IFNA21: variants seen among roughly 807,000 people sequenced by gnomAD.
IFNA21 encodes the protein interferon alpha 21, also known as interferon alpha-21.
For missense variants in IFNA21, 272 were observed against 212.7 expected (o/e 1.28, Z -1.73); for synonymous variants, 101 against 82.9 (o/e 1.22, Z -1.19).
At position 21,166,574 on chromosome 9, in the gene IFNA21, C is replaced by T. The variant is rs376650645; in HGVS notation, c.39G>A (p.Val13=). 111 of 1,613,838 alleles carry T rather than the reference C, an allele frequency of 6.9e-5. No homozygotes were observed. The highest frequency in any genetic ancestry group is 6.6e-5 in the South Asian group (6 of 91,070). ...LSFSLLMAVL[V]LSYKSICSLG... is the part of the protein sequence containing the mutation. ...GAGAACAGATGGATTTGTAGCTGAGCACCAGCACGGCCATCAGTAAAGAAA... is the reference window on the plus strand; with the variant it reads ...GAGAACAGATGGATTTGTAGCTGAGTACCAGCACGGCCATCAGTAAAGAAA... Residue 13 remains valine, a synonymous_variant, in exon 1 of 1, where the codon GTG becomes GTA. Transcript: ENST00000380225.
chr9:21,166,184 C>T lies in IFNA21; in HGVS notation c.429G>A (p.Val143=). 1.2e-6 allele frequency: 2 copies of T among 1,614,190 alleles called. No homozygotes were observed. Among genetic ancestry groups the T allele is most frequent in the Non-Finnish European group, 1.7e-6 (2 of 1,180,024 alleles). The change falls in exon 1 of 1, where the codon GTG becomes GTA. Residue 143 remains valine, a synonymous_variant. Transcript: ENST00000380225. The stretch of plus-strand genomic sequence containing the variant: ...GAGTGATTCTTTGGAAGTATTTCTT[C>T]ACAGCCAGGATGGAGTCCACATTCA... The part of the protein sequence containing the change: ...PLMNVDSILA[V]KKYFQRITLY...
At position 21,165,730 on chromosome 9, in the gene IFNA21, A is replaced by G. The variant is rs779042765; in HGVS notation, c.*313T>C. ...AAAGAAAATAATATATTGACTAAAT[A>G]TAAATAACATATTTTGATATAACAC... is the stretch of plus-strand genomic sequence containing the variant. On this transcript the variant is annotated 3_prime_UTR_variant, in exon 1 of 1. Transcript: ENST00000380225. 2.0e-4 allele frequency: 32 copies of G among 159,902 alleles called. No homozygotes were observed. Among genetic ancestry groups the G allele is most frequent in the Non-Finnish European group, 3.5e-4 (26 of 73,332 alleles). 9.9% of individuals were successfully genotyped at this position (159,902 alleles called of 1,614,324 possible). A position where few individuals can be genotyped will look rare whatever the true frequency, so the allele number is the denominator to read the frequency against.
Position 21,165,832 on chromosome 9 carries a change from G to C in IFNA21, c.*211C>G, listed in dbSNP as rs1819655791. 1 of 405,212 alleles carries C rather than the reference G, an allele frequency of 2.5e-6. No homozygotes were observed. The highest frequency in any genetic ancestry group is 3.9e-5 in the East Asian group (1 of 25,488). The allele number at this position is 405,212 out of a possible 1,614,324, so 25.1% of individuals were successfully genotyped here. Reference sequence around the variant, plus strand: ...AAATAAATAAATATTTCAATAGATAGATAATTAGATCTATCAGCATGGTCA... The same window carrying C: ...AAATAAATAAATATTTCAATAGATACATAATTAGATCTATCAGCATGGTCA... On this transcript the variant is annotated 3_prime_UTR_variant, in exon 1 of 1. Transcript: ENST00000380225.
In IFNA21 at chr9:21,166,445, T is replaced by A. The variant is rs769083096; in HGVS notation, c.168A>T (p.Arg56Ser). The change falls in exon 1 of 1, where the codon AGA becomes AGT. Residue 56 changes from arginine (R) to serine (S), a missense_variant. Coordinates refer to ENST00000380225, the MANE Select transcript of IFNA21 (RefSeq NM_002175.2). ...CCTCCTGGGGGAATCCAAAGTCATG[T>A]CTGTCCTTCAGGCAGGAGAAAGGAG... ...RISPFSCLKD[R>S]HDFGFPQEEF... The A allele has an allele frequency of 6.8e-6, 11 of 1,614,056 alleles. No homozygotes were observed. The East Asian group carries it at 2.5e-4, about 36-fold the overall frequency.
rs984998078 is a variant in IFNA21 at position 21,165,920 on chromosome 9, T to G, written c.*123A>C. The G allele has an allele frequency of 7.8e-7, 1 of 1,286,992 alleles. No homozygotes were observed. Among genetic ancestry groups the G allele is most frequent in the African/African-American group, 1.5e-5 (1 of 66,796 alleles). The allele number at this position is 1,286,992 out of a possible 1,614,324, so 79.7% of individuals were successfully genotyped here. ...GTTTCCTTACACTCCTGAAAAGATC[T>G]GAAAATTTTGATTCAACTCATGCGG... On this transcript the variant is annotated 3_prime_UTR_variant, in exon 1 of 1. Transcript: ENST00000380225.
chr9:21,166,022 A>G lies in IFNA21; in HGVS notation c.*21T>C. Reference sequence around the variant, plus strand: ...ACTGGTGTATTAGTCAATACAGATCATTTCCATGTTGAAACAGGTTTCATT... The same window carrying G: ...ACTGGTGTATTAGTCAATACAGATCGTTTCCATGTTGAAACAGGTTTCATT... On this transcript the variant is annotated 3_prime_UTR_variant, in exon 1 of 1. Transcript: ENST00000380225. The G allele has an allele frequency of 6.2e-7, 1 of 1,610,010 alleles. No homozygotes were observed. Among genetic ancestry groups the G allele is most frequent in the Non-Finnish European group, 8.5e-7 (1 of 1,177,594 alleles).
chr9:21,166,143 TTC>T, the IFNA21 span: 1 of 1,614,190 alleles, frequency 6.2e-7, no homozygotes, highest in Non-Finnish European at 8.5e-7. Flanking sequence ...GCTGTATTTC[TTC>T]TCTGTCAGAT....
Position 21,165,787 on chromosome 9 carries a change from A to G in IFNA21, c.*256T>C, listed in dbSNP as rs1819655158. The G allele has an allele frequency of 4.1e-6, 1 of 246,728 alleles. No individual in the cohort carries two copies. Among genetic ancestry groups the G allele is most frequent in the Non-Finnish European group, 7.6e-6 (1 of 131,648 alleles). The allele number at this position is 246,728 out of a possible 1,614,324, so 15.3% of individuals were successfully genotyped here. ...AAAGTACACATAATATTACATGGAC[A>G]AAAATAATTTAAATCTAATAAATAA... On this transcript the variant is annotated 3_prime_UTR_variant, in exon 1 of 1. Transcript: ENST00000380225.
Position 21,166,106 on chromosome 9 carries a change from T to C in IFNA21, c.507A>G (p.Ala169=), listed in dbSNP as rs1261156442. The part of the protein sequence containing the change: ...YSPCAWEVVR[A]EIMRSFSLSK... ...ATAAAGAGAAGGATCTCATGATTTC[T>C]GCTCTGACAACCTCCCAGGCACAAG... Residue 169 remains alanine (A), a synonymous_variant, in exon 1 of 1, where the codon GCA becomes GCG. Transcript: ENST00000380225. 1.4e-5 allele frequency: 23 copies of C among 1,614,058 alleles called. No individual in the cohort carries two copies. Among genetic ancestry groups the C allele is most frequent in the Non-Finnish European group, 1.8e-5 (21 of 1,180,012 alleles).
chr9:21,166,410 C>G lies in IFNA21; in HGVS notation c.203G>C (p.Gly68Ala), dbSNP rs1244702825. 1 of 1,614,090 alleles carries G rather than the reference C, an allele frequency of 6.2e-7. No individual in the cohort carries two copies. Among genetic ancestry groups the G allele is most frequent in the Admixed American group, 1.7e-5 (1 of 59,988 alleles). Reference protein sequence around the residue: ...DFGFPQEEFDGNQFQKAQAIS... With the variant: ...DFGFPQEEFDANQFQKAQAIS... ...GGCTTGAGCCTTCTGGAACTGGTTGCCATCAAACTCCTCCTGGGGGAATCC... is the reference window on the plus strand; with the variant it reads ...GGCTTGAGCCTTCTGGAACTGGTTGGCATCAAACTCCTCCTGGGGGAATCC... Residue 68 changes from glycine to alanine, a missense_variant, in exon 1 of 1, where the codon GGC becomes GCC. By Grantham distance (60) the Gly-to-Ala change is moderately conservative. Transcript: ENST00000380225.
chr9:21,165,985 A>T lies in IFNA21; in HGVS notation c.*58T>A. The stretch of plus-strand genomic sequence containing the variant: ...ATGAGTCTTTGAAATGGCAGAAGTC[A>T]TAGAAGTGTGGACTGGTGTATTAGT... On this transcript the variant is annotated 3_prime_UTR_variant, in exon 1 of 1. Transcript: ENST00000380225. The T allele has an allele frequency of 6.4e-7, 1 of 1,553,748 alleles. No individual in the cohort carries two copies. The highest frequency in any genetic ancestry group is 8.7e-7 in the Non-Finnish European group (1 of 1,149,384).
In IFNA21 at chr9:21,165,925, A is replaced by G; in HGVS notation, c.*118T>C. 7.6e-7 allele frequency: 1 copy of G among 1,323,712 alleles called. No individual in the cohort carries two copies. Among genetic ancestry groups the G allele is most frequent in the Non-Finnish European group, 1.0e-6 (1 of 967,672 alleles). The allele number at this position is 1,323,712 out of a possible 1,614,324, so 82.0% of individuals were successfully genotyped here. On this transcript the variant is annotated 3_prime_UTR_variant, in exon 1 of 1. Transcript: ENST00000380225. The stretch of plus-strand genomic sequence containing the variant: ...CTTACACTCCTGAAAAGATCTGAAA[A>G]TTTTGATTCAACTCATGCGGTGGTT...
chr9:21,165,912 A>C lies in IFNA21; in HGVS notation c.*131T>G. 1 of 1,209,322 alleles carries C rather than the reference A, an allele frequency of 8.3e-7. No individual in the cohort carries two copies. Among genetic ancestry groups the C allele is most frequent in the Non-Finnish European group, 1.1e-6 (1 of 869,572 alleles). The allele number at this position is 1,209,322 out of a possible 1,614,324, so 74.9% of individuals were successfully genotyped here. ...AACATGATGTTTCCTTACACTCCTG[A>C]AAAGATCTGAAAATTTTGATTCAAC... On this transcript the variant is annotated 3_prime_UTR_variant, in exon 1 of 1. Coordinates refer to ENST00000380225, the MANE Select transcript of IFNA21 (RefSeq NM_002175.2).
Position 21,166,655 on chromosome 9 carries a change from C to A in IFNA21, c.-43G>T. 2 of 1,582,664 alleles carry A rather than the reference C, an allele frequency of 1.3e-6. No individual in the cohort carries two copies. Among genetic ancestry groups the A allele is most frequent in the Non-Finnish European group, 1.7e-6 (2 of 1,165,356 alleles). ...TGCTAGGCTACTTGAGATGGGTAACCTTGAACCTTGGCCTCTAGGTTTTCT... is the reference window on the plus strand; with the variant it reads ...TGCTAGGCTACTTGAGATGGGTAACATTGAACCTTGGCCTCTAGGTTTTCT... On this transcript the variant is annotated 5_prime_UTR_variant, in exon 1 of 1. It adds an upstream start codon to the 5' untranslated region. Transcript: ENST00000380225.
In IFNA21 at chr9:21,166,567, A is replaced by G; in HGVS notation, c.46T>C (p.Tyr16His). 1 of 1,614,086 alleles carries G rather than the reference A, an allele frequency of 6.2e-7. No individual in the cohort carries two copies. The highest frequency in any genetic ancestry group is 1.7e-4 in the Middle Eastern group (1 of 6,060). Reference protein sequence around the residue: ...SLLMAVLVLSYKSICSLGCDL... With the variant: ...SLLMAVLVLSHKSICSLGCDL... ...CAGCCCAGAGAACAGATGGATTTGTAGCTGAGCACCAGCACGGCCATCAGT... is the reference window on the plus strand; with the variant it reads ...CAGCCCAGAGAACAGATGGATTTGTGGCTGAGCACCAGCACGGCCATCAGT... The change falls in exon 1 of 1, where the codon TAC (tyrosine) becomes CAC (histidine). Residue 16 changes from tyrosine (Y) to histidine (H), a missense_variant. Tyr to His is a moderately conservative substitution (Grantham distance 83). Coordinates refer to ENST00000380225, the MANE Select transcript of IFNA21 (RefSeq NM_002175.2).
Position 21,166,543 on chromosome 9 carries a change from A to G in IFNA21, c.70T>C (p.Cys24Arg). The G allele has an allele frequency of 1.2e-6, 2 of 1,614,176 alleles. No homozygotes were observed. Among genetic ancestry groups the G allele is most frequent in the Non-Finnish European group, 1.7e-6 (2 of 1,180,028 alleles). The change falls in exon 1 of 1, where the codon TGT becomes CGT. Residue 24 changes from cysteine (C) to arginine (R), a missense_variant. Physicochemically the swap from Cys to Arg is radical, Grantham distance 180 (BLOSUM62 -3). Transcript: ENST00000380225. The part of the protein sequence containing the change: ...LSYKSICSLG[C>R]DLPQTHSLGN... ...AGGCTGTGGGTCTGAGGCAGATCAC[A>G]GCCCAGAGAACAGATGGATTTGTAG...
Position 21,166,220 on chromosome 9 carries a change from C to G in IFNA21, c.393G>C (p.Glu131Asp). Residue 131 changes from glutamate (E) to aspartate (D), a missense_variant, in exon 1 of 1, where the codon GAG (glutamate) becomes GAC (aspartate). Transcript: ENST00000380225. Reference protein sequence around the residue: ...ACVIQEVGVEETPLMNVDSIL... With the variant: ...ACVIQEVGVEDTPLMNVDSIL... The stretch of plus-strand genomic sequence containing the variant: ...TGGAGTCCACATTCATCAGGGGAGT[C>G]TCTTCCACCCCAACCTCCTGTATCA... 6.2e-7 allele frequency: 1 copy of G among 1,614,176 alleles called. No homozygotes were observed. The highest frequency in any genetic ancestry group is 1.7e-5 in the Admixed American group (1 of 60,012).
rs762399643 is a variant in IFNA21 at position 21,166,148 on chromosome 9, T to C, written c.465A>G (p.Thr155=). Residue 155 remains threonine, a synonymous_variant, in exon 1 of 1, where the codon ACA becomes ACG. Coordinates refer to ENST00000380225, the MANE Select transcript of IFNA21 (RefSeq NM_002175.2). ...KYFQRITLYL[T]EKKYSPCAWE... ...AGGCACAAGGGCTGTATTTCTTCTC[T>C]GTCAGATAAAGAGTGATTCTTTGGA... 3 of 1,614,194 alleles carry C rather than the reference T, an allele frequency of 1.9e-6. No homozygotes were observed. The highest frequency in any genetic ancestry group is 1.1e-5 in the South Asian group (1 of 91,086).
Position 21,165,881 on chromosome 9 carries a change from C to T in IFNA21, c.*162G>A, listed in dbSNP as rs780236919. The T allele has an allele frequency of 3.5e-6, 3 of 852,342 alleles. No homozygotes were observed. The highest frequency in any genetic ancestry group is 5.4e-6 in the Non-Finnish European group (3 of 558,298). 52.8% of individuals were successfully genotyped at this position (852,342 alleles called of 1,614,324 possible). ...CATCTGTAAAGGACTAGTGCCTGCA[C>T]AGGTAAACATGATGTTTCCTTACAC... On this transcript the variant is annotated 3_prime_UTR_variant, in exon 1 of 1. Coordinates refer to ENST00000380225, the MANE Select transcript of IFNA21 (RefSeq NM_002175.2).
Sources: allele counts gnomAD v4.1 joint callset, GRCh38; gene constraint gnomAD v4.1.1; transcripts MANE v1.5; gene names NCBI Gene and HGNC (gene_info 2026-07-23, HGNC 2026-07-21).